The following CCDC88A variants were observed in gnomAD, a reference collection of about 807,000 sequenced individuals.
CCDC88A encodes girdin.
Under a neutral mutation model 234.3 loss-of-function variants are expected in CCDC88A, and 54 were observed. The observed-to-expected ratio is 0.23, with a 90% confidence interval of 0.19 to 0.29. The LOEUF (loss-of-function observed/expected upper bound fraction) is 0.29. Among genes scored for constraint, CCDC88A ranks in the 10% least tolerant of loss-of-function variants. CCDC88A has a pLI of 1.00. For synonymous variants in CCDC88A, 753 were observed against 737.8 expected (o/e 1.02, Z -0.33); for missense variants, 1,832 against 2,123.4 (o/e 0.86, Z 2.70).
At chr2:55,385,852 C>CAAAAAAAAAA (rs56233901) in intron 3 of CCDC88A, among the ~76,000 whole-genome samples, 1 of 62,462 alleles carries the variant, frequency 1.6e-5, no homozygotes. Context: ...AACTCCATGT[C>CAAAAAAAAAA]AAAAAAAAAA....
In CCDC88A at chr2:55,390,152, T is replaced by C. The variant is rs572506898; in HGVS notation, c.165-1266A>G. 1.2e-4 allele frequency among the ~76,000 whole-genome samples: 12 copies of C among 100,932 alleles called. No homozygotes were observed. The East Asian group carries it at 3.2e-3, about 27-fold the overall frequency. The allele number at this position is 100,932 out of a possible 152,430, so 66.2% of individuals were successfully genotyped here. A position where few individuals can be genotyped will look rare whatever the true frequency, so the allele number is the denominator to read the frequency against. ...TAACAAAAACCAAACAAAAACAACT[T>C]AGAAAACTGAGTGGTATCGTTTTAC... On this transcript the variant is annotated intron_variant, in intron 2 of 32. Coordinates refer to ENST00000436346, the MANE Select transcript of CCDC88A (RefSeq NM_001365480.1).
chr2:55,332,535 C>A lies in CCDC88A; in HGVS notation c.2855+31G>T. On this transcript the variant is annotated intron_variant, in intron 16 of 32. Coordinates refer to ENST00000436346, the MANE Select transcript of CCDC88A (RefSeq NM_001365480.1). The surrounding 1 kb of genome is among the most constrained non-coding windows in gnomAD (Gnocchi z 4.5). ...ATGAGCAAAAAAAAAAAAAAATTTTCAACTGTTTGCCAAGTAGACTTAGTA... is the reference window on the plus strand; with the variant it reads ...ATGAGCAAAAAAAAAAAAAAATTTTAAACTGTTTGCCAAGTAGACTTAGTA... 6.4e-7 allele frequency: 1 copy of A among 1,560,408 alleles called. No homozygotes were observed. Among genetic ancestry groups the A allele is most frequent in the Non-Finnish European group, 8.6e-7 (1 of 1,156,684 alleles).
intron 8 of CCDC88A, among the ~76,000 whole-genome samples, chr2:55,351,870 A>G (rs1669925938): frequency 6.6e-6 from 1 of 152,204 alleles, no homozygotes; most frequent in African/African-American, 2.4e-5. Context: ...ATATCCATTC[A>G]GTGGAATATT....
At chr2:55,379,482 T>C (rs575411663) in intron 3 of CCDC88A, among the ~76,000 whole-genome samples, 31 of 152,238 alleles carry the variant, frequency 2.0e-4, no homozygotes, top group South Asian at 4.1e-4. Context: ...CAAATATTTA[T>C]TGAATATCAA....
Position 55,355,567 on chromosome 2 carries a change from T to C in CCDC88A, c.800+12A>G. ...ATATAAATTCAATGAACCTCAAAAATCAGCAACTTACAATTCCTGCCTAAG... is the reference window on the plus strand; with the variant it reads ...ATATAAATTCAATGAACCTCAAAAACCAGCAACTTACAATTCCTGCCTAAG... On this transcript the variant is annotated intron_variant, in intron 8 of 32. Coordinates refer to ENST00000436346, the MANE Select transcript of CCDC88A (RefSeq NM_001365480.1). The C allele has an allele frequency of 6.2e-7, 1 of 1,612,598 alleles. No homozygotes were observed. The highest frequency in any genetic ancestry group is 8.5e-7 in the Non-Finnish European group (1 of 1,178,652).
chr2:55,307,863 C>A (rs74855307), intron 25 of CCDC88A: 12,844 of 151,816 alleles, frequency 0.085, 1,392 homozygotes, highest in African/African-American at 0.25. Context: ...TCTTGACCCA[C>A]TGAAAACCTT....
chr2:55,372,390 G>T, intron 5 of CCDC88A, 62 bp downstream of exon 5: 1 of 815,236 alleles, frequency 1.2e-6, no homozygotes. Flanking sequence ...AGAAACTACA[G>T]CCTGATAAAA....
Position 55,288,224 on chromosome 2 carries a change from T to C in CCDC88A, c.*2976A>G, listed in dbSNP as rs1407272528. 2.0e-5 allele frequency: 3 copies of C among 152,676 alleles called. No individual in the cohort carries two copies. In the South Asian group the frequency reaches 6.2e-4, roughly 32 times the overall value. 9.5% of individuals were successfully genotyped at this position (152,676 alleles called of 1,614,324 possible). A position where few individuals can be genotyped will look rare whatever the true frequency, so the allele number is the denominator to read the frequency against. ...GGTGTTATAAGTGCAACTTTATCCA[T>C]ATGCATTCCTTTTAAGGCATTTTCA... On this transcript the variant is annotated 3_prime_UTR_variant, in exon 33 of 33. Coordinates refer to ENST00000436346, the MANE Select transcript of CCDC88A (RefSeq NM_001365480.1).
intron 9 of CCDC88A, 55 bp downstream of exon 9, chr2:55,349,463 A>C: frequency 8.0e-7 from 1 of 1,256,488 alleles, no homozygotes; most frequent in Non-Finnish European, 1.2e-6. Context: ...ACAAGGAAGA[A>C]AATCAATTTC....
chr2:55,383,608 G>T (rs1674969201), intron 3 of CCDC88A, among the ~76,000 whole-genome samples: 1 of 138,770 alleles, frequency 7.2e-6, no homozygotes, highest in African/African-American at 2.7e-5. Context: ...GGGCAACAAA[G>T]CGAGACTCCG....
Position 55,290,493 on chromosome 2 carries a change from T to A in CCDC88A, c.*707A>T, listed in dbSNP as rs534488178. On this transcript the variant is annotated 3_prime_UTR_variant, in exon 33 of 33. Coordinates refer to ENST00000436346, the MANE Select transcript of CCDC88A (RefSeq NM_001365480.1). Reference sequence around the variant, plus strand: ...TCTTTACCATGGGTTAACTTATGAATGCTTAGTGTTGCTTAATGGGAAATA... The same window carrying A: ...TCTTTACCATGGGTTAACTTATGAAAGCTTAGTGTTGCTTAATGGGAAATA... 2 of 152,122 alleles carry A rather than the reference T, an allele frequency of 1.3e-5. No individual in the cohort carries two copies. Among genetic ancestry groups the A allele is most frequent in the Non-Finnish European group, 2.9e-5 (2 of 67,942 alleles). The allele number at this position is 152,122 out of a possible 1,614,324, so 9.4% of individuals were successfully genotyped here. A position where few individuals can be genotyped will look rare whatever the true frequency, so the allele number is the denominator to read the frequency against.
In CCDC88A at chr2:55,355,627, A is replaced by C; in HGVS notation, c.752T>G (p.Val251Gly). ...CTTGGCTTTAGCATCTGCCAGTTCCACCGACAGATGTTGTCGACTTTCTGT... is the reference window on the plus strand; with the variant it reads ...CTTGGCTTTAGCATCTGCCAGTTCCCCCGACAGATGTTGTCGACTTTCTGT... ...KRTESRQHLSVELADAKAKIR... is the reference protein window; with the variant it reads ...KRTESRQHLSGELADAKAKIR... Residue 251 changes from valine to glycine, a missense_variant, in exon 8 of 33, where the codon GTG (valine) becomes GGG (glycine). By Grantham distance (109) the Val-to-Gly change is moderately radical (BLOSUM62 -3). Coordinates refer to ENST00000436346, the MANE Select transcript of CCDC88A (RefSeq NM_001365480.1). 1 of 1,614,114 alleles carries C rather than the reference A, an allele frequency of 6.2e-7. No individual in the cohort carries two copies. The highest frequency in any genetic ancestry group is 8.5e-7 in the Non-Finnish European group (1 of 1,179,986).
intron 3 of CCDC88A, among the ~76,000 whole-genome samples, chr2:55,380,211 G>C (rs1162310190): frequency 2.0e-5 from 3 of 152,012 alleles, no homozygotes; most frequent in African/African-American, 4.8e-5. Context: ...ACTCCAGCCT[G>C]GGCGACAGAG....
intron 9 of CCDC88A, among the ~76,000 whole-genome samples, chr2:55,347,075 A>G (rs986089294): frequency 2.6e-5 from 4 of 152,192 alleles, no homozygotes; most frequent in African/African-American, 9.6e-5. Flanking sequence ...AAGGCAAACA[A>G]TATTACTAAA....
chr2:55,358,024 G>A (rs984339221), intron 7 of CCDC88A, among the ~76,000 whole-genome samples: 6 of 151,910 alleles, frequency 3.9e-5, no homozygotes, highest in Admixed American at 2.0e-4. Flanking sequence ...ACTCCTCCCC[G>A]CTTTTACTCA....
intron 18 of CCDC88A, 130 bp from the exon 19 acceptor site, chr2:55,319,134 TAAAAG>T (rs964629636): frequency 1.5e-5 from 11 of 720,114 alleles, no homozygotes; most frequent in Non-Finnish European, 2.2e-5. Flanking sequence ...CCAACAATCT[TAAAAG>T]AGAAAAAAAA....
rs769746122 is a variant in CCDC88A at position 55,339,529 on chromosome 2, A to G, written c.1453T>C (p.Ser485Pro). ...ATTTTGGAAGCATTGCCTTCTACAGAATCCACAGTAGTCCGAAGCTCTTCT... is the reference window on the plus strand; with the variant it reads ...ATTTTGGAAGCATTGCCTTCTACAGGATCCACAGTAGTCCGAAGCTCTTCT... The part of the protein sequence containing the change: ...TVEELRTTVD[S>P]VEGNASKILK... The change falls in exon 13 of 33, where the codon TCT (serine) becomes CCT (proline). Residue 485 changes from serine to proline, a missense_variant. Physicochemically the swap from Ser to Pro is moderately conservative, Grantham distance 74. Around this residue, in one of 6 missense-constraint regions of CCDC88A, gnomAD observed 1,282 missense variants for 1,543.6 expected, o/e 0.83. Transcript: ENST00000436346. The G allele has an allele frequency of 6.2e-7, 1 of 1,611,808 alleles. No homozygotes were observed. Among genetic ancestry groups the G allele is most frequent in the South Asian group, 1.1e-5 (1 of 90,332 alleles).
At chr2:55,378,590 T>C (rs1305186400) in intron 3 of CCDC88A, among the ~76,000 whole-genome samples, 1 of 101,276 alleles carries the variant, frequency 9.9e-6, no homozygotes, top group African/African-American at 3.0e-5. Flanking sequence ...AAAAACTCTA[T>C]TTTCAAGTAT....
chr2:55,380,507 A>T (rs1023616360), intron 3 of CCDC88A, among the ~76,000 whole-genome samples: 1 of 152,214 alleles, frequency 6.6e-6, no homozygotes, highest in African/African-American at 2.4e-5. Flanking sequence ...ATAGGAAAAT[A>T]ATAAGCAGAT....
Sources: allele counts gnomAD v4.1 joint callset (sites outside exome capture counted in the v4.1 genomes callset), GRCh38; gene constraint gnomAD v4.1.1; regional missense constraint gnomAD v4.1.1; non-coding constraint Gnocchi (gnomAD v3.1); transcripts MANE v1.5; gene names NCBI Gene and HGNC (gene_info 2026-07-23, HGNC 2026-07-21).